Variants in LARS2 observed in about 807,000 individuals in gnomAD.
LARS2 encodes the protein leucine--tRNA ligase, mitochondrial.
LARS2 carries 81 observed loss-of-function variants against 116.6 expected under a neutral mutation model. That is an observed-to-expected ratio of 0.69 (90% CI 0.58 to 0.84). The LOEUF (loss-of-function observed/expected upper bound fraction) is 0.84. Ranked by LOEUF, LARS2 falls within the 40% of genes least tolerant of loss-of-function variation. The probability of loss-of-function intolerance (pLI) is 0.00; values close to 1 mark genes in which losing one functional copy is unlikely to be tolerated. For synonymous variants in LARS2, 396 were observed against 407.2 expected, an observed-to-expected ratio of 0.97 and a Z score of 0.33; for missense variants, 968 against 1,114.5, an observed-to-expected ratio of 0.87 and a Z score of 1.87.
intron 6 of LARS2, among the ~76,000 whole-genome samples, chr3:45,438,355 C>A (rs1698840841): frequency 6.6e-6 from 1 of 152,076 alleles, no homozygotes; most frequent in African/African-American, 2.4e-5. Flanking sequence ...CCCTCTAAAT[C>A]CAGAGACCTG....
chr3:45,525,991 G>A (rs1700524934), intron 20 of LARS2, among the ~76,000 whole-genome samples: 1 of 152,166 alleles, frequency 6.6e-6, no homozygotes, highest in African/African-American at 2.4e-5. Flanking sequence ...TAAAGTAGGA[G>A]GGGAAAGAGA....
Position 45,547,338 on chromosome 3 carries a change from T to G in LARS2, c.2533-13T>G. 1 of 1,593,204 alleles carries G rather than the reference T, an allele frequency of 6.3e-7. No individual in the cohort carries two copies. Among genetic ancestry groups the G allele is most frequent in the Non-Finnish European group, 8.5e-7 (1 of 1,170,322 alleles). On this transcript the variant is annotated splice_polypyrimidine_tract_variant and intron_variant, in intron 21 of 21. Transcript: ENST00000645846. ...TGTTCCTCATTGTTTATCTTGGCTT[T>G]TCTCCTTCTCAGATCAACAATAAAG...
intron 7 of LARS2, among the ~76,000 whole-genome samples, chr3:45,447,968 G>C (rs1699049113): frequency 6.6e-6 from 1 of 152,144 alleles, no homozygotes; most frequent in Admixed American, 6.5e-5. Flanking sequence ...AAAAGTCAGA[G>C]CTGGGACAGT....
rs372923268 is a variant in LARS2 at position 45,438,442 on chromosome 3, C to A, written c.517-8449C>A. Among the ~76,000 whole-genome samples, 14 of 152,058 alleles carry A rather than the reference C, an allele frequency of 9.2e-5. No homozygotes were observed. In the East Asian group the frequency reaches 2.7e-3, roughly 30 times the overall value. On this transcript the variant is annotated intron_variant, in intron 6 of 21. Coordinates refer to ENST00000645846, the MANE Select transcript of LARS2 (RefSeq NM_015340.4). ...TCCTCATGTATAAAGCAGTGCTCAC[C>A]ATCCCTGCCTCTCAGACCACTGCGG... is the stretch of plus-strand genomic sequence containing the variant.
At chr3:45,463,693 T>A (rs1331601053) in intron 8 of LARS2, among the ~76,000 whole-genome samples, 1 of 151,842 alleles carries the variant, frequency 6.6e-6, no homozygotes, top group Non-Finnish European at 1.5e-5. Flanking sequence ...TCCTGAGATG[T>A]TATTGAGTGC....
chr3:45,512,038 G>A lies in LARS2; in HGVS notation c.1761-1097G>A, dbSNP rs138718107. Among the ~76,000 whole-genome samples, 914 of 152,178 alleles carry A rather than the reference G, an allele frequency of 6.0e-3. 6 individuals are homozygous for A. Among genetic ancestry groups the A allele is most frequent in the African/African-American group, 0.021 (878 of 41,520 alleles). ...AATCCACCTGCCTCGGCCTCCCAAA[G>A]CGCTAGGATTACAAGCGTGAGCCAC... On this transcript the variant is annotated intron_variant, in intron 15 of 21. Transcript: ENST00000645846.
At chr3:45,401,669 G>T (rs1300278769) in intron 4 of LARS2, among the ~76,000 whole-genome samples, 3 of 152,092 alleles carry the variant, frequency 2.0e-5, no homozygotes, top group African/African-American at 7.2e-5. Context: ...ACCCCGGCTG[G>T]AGTGCTGTGG....
chr3:45,399,008 A>G (rs1698097651), intron 3 of LARS2, among the ~76,000 whole-genome samples: 1 of 152,152 alleles, frequency 6.6e-6, no homozygotes, highest in African/African-American at 2.4e-5. Flanking sequence ...GTGATCCAAT[A>G]AGGACTCATT....
chr3:45,449,562 C>T (rs1699079295), intron 7 of LARS2, among the ~76,000 whole-genome samples: 1 of 152,134 alleles, frequency 6.6e-6, no homozygotes, highest in African/African-American at 2.4e-5. Flanking sequence ...GACCTAATCA[C>T]CTCTGAAATG....
chr3:45,439,145 C>T (rs953567182), intron 6 of LARS2, among the ~76,000 whole-genome samples: 29 of 145,700 alleles, frequency 2.0e-4, no homozygotes, highest in Non-Finnish European at 3.9e-4. Context: ...ATTAGGTTTT[C>T]TGCAGCTTCC....
intron 21 of LARS2, among the ~76,000 whole-genome samples, chr3:45,546,897 T>C (rs539587168): frequency 9.3e-4 from 142 of 152,206 alleles, no homozygotes; most frequent in Non-Finnish European, 1.8e-3. Context: ...AACCGTCAAC[T>C]GTTTGGTCCA....
At position 45,419,650 on chromosome 3, in the gene LARS2, T is replaced by G; in HGVS notation, c.456-19T>G. The G allele has an allele frequency of 6.2e-7, 1 of 1,609,700 alleles. No individual in the cohort carries two copies. The highest frequency in any genetic ancestry group is 1.1e-5 in the South Asian group (1 of 90,944). ...AATCCCCTCTCTAAAAACCAAACCT[T>G]TTTCCCATTGTTTCACAGTAATATT... On this transcript the variant is annotated intron_variant, in intron 5 of 21. Transcript: ENST00000645846.
At chr3:45,461,386 A>G (rs1257216998) in intron 8 of LARS2, among the ~76,000 whole-genome samples, 1 of 151,900 alleles carries the variant, frequency 6.6e-6, no homozygotes. Context: ...CTTAAAACAG[A>G]AAAGTATATG....
At chr3:45,415,876 TAGAGAGAGAGAGAGAGGGAGAGAGAGAG>T (rs1698409284) in intron 4 of LARS2, among the ~76,000 whole-genome samples, 18 of 69,044 alleles carry the variant, frequency 2.6e-4, no homozygotes, top group East Asian at 1.2e-3. Context: ...TATATATATA[TAGAGAGAGAGAGAGAGGGAGAGAGAGAG>T]AGAGAGAGAG....
At chr3:45,431,507 A>G (rs1698714469) in intron 6 of LARS2, among the ~76,000 whole-genome samples, 1 of 152,236 alleles carries the variant, frequency 6.6e-6, no homozygotes, top group African/African-American at 2.4e-5. Context: ...ATGTAATTAT[A>G]TGACATCAAT....
intron 7 of LARS2, among the ~76,000 whole-genome samples, chr3:45,455,203 A>G (rs1699195060): frequency 6.8e-6 from 1 of 147,322 alleles, no homozygotes. Flanking sequence ...CACCTTCCTC[A>G]TTGTATTTTG....
At chr3:45,542,162 G>A (rs772371119) in intron 21 of LARS2, among the ~76,000 whole-genome samples, 5 of 152,194 alleles carry the variant, frequency 3.3e-5, no homozygotes, top group Non-Finnish European at 7.3e-5. Context: ...CACACCAGAA[G>A]CATGTGAGCA....
chr3:45,400,413 C>T (rs117719903), intron 4 of LARS2, 40 bp downstream of exon 4: 1 of 1,564,108 alleles, frequency 6.4e-7, no homozygotes, highest in East Asian at 2.3e-5. Flanking sequence ...TTGTCTGCCA[C>T]ACGCAGGGTT....
intron 4 of LARS2, among the ~76,000 whole-genome samples, chr3:45,416,149 A>T (rs1026986045): frequency 2.7e-5 from 4 of 148,702 alleles, no homozygotes; most frequent in Non-Finnish European, 4.5e-5. Flanking sequence ...GTAGTTGGGC[A>T]TGGTGGTGCA....
Sources: gnomAD v4.1 joint callset for allele counts (sites outside exome capture counted in the v4.1 genomes callset) on GRCh38, gnomAD v4.1.1 for gene constraint, MANE v1.5 for transcripts, NCBI Gene and HGNC (gene_info 2026-07-23, HGNC 2026-07-21) for gene names.